The following SKAP1 variants were observed in gnomAD, a reference collection of about 807,000 sequenced individuals.
SKAP1 encodes the protein src kinase-associated phosphoprotein 1.
A neutral mutation model predicts 58.5 loss-of-function variants in SKAP1; 44 were observed. That is an observed-to-expected ratio of 0.75 (90% CI 0.59 to 0.97). SKAP1 has a LOEUF of 0.97. Ranked by LOEUF, SKAP1 falls within the 50% of genes least tolerant of loss-of-function variation. The pLI, the probability that SKAP1 is intolerant of heterozygous loss-of-function variation, is 0.00. For missense variants in SKAP1, 390 were observed against 435.2 expected (o/e 0.90, Z 0.92); for synonymous variants, 127 against 149.7 (o/e 0.85, Z 1.11).
chr17:48,160,646 A>G (rs78428146), intron 11 of SKAP1, among the ~76,000 whole-genome samples: 1,999 of 152,294 alleles, frequency 0.013, 31 homozygotes, highest in Non-Finnish European at 0.018. Context: ...ACAAAGGCAA[A>G]AGACATGCAA....
the SKAP1 span, among the ~76,000 whole-genome samples, chr17:48,442,938 A>T: frequency 6.6e-6 from 1 of 152,174 alleles, no homozygotes; most frequent in East Asian, 1.9e-4. Flanking sequence ...CATCGCCACC[A>T]CCATAACCTC....
intron 4 of SKAP1, among the ~76,000 whole-genome samples, chr17:48,247,122 T>C (rs1392763697): frequency 6.6e-6 from 1 of 152,176 alleles, no homozygotes; most frequent in Non-Finnish European, 1.5e-5. Context: ...CTAATACATA[T>C]ACACAAATTC....
intron 4 of SKAP1, among the ~76,000 whole-genome samples, chr17:48,325,248 CAAAAAA>C (rs200281665): frequency 1.1e-4 from 10 of 91,458 alleles, no homozygotes; most frequent in Non-Finnish European, 1.7e-4. Context: ...GACTCCGTCT[CAAAAAA>C]AAAAAAAAAA....
chr17:48,378,986 A>G (rs948080773), intron 2 of SKAP1, among the ~76,000 whole-genome samples: 2 of 152,212 alleles, frequency 1.3e-5, no homozygotes, highest in Non-Finnish European at 2.9e-5. Context: ...ATTTTATTCC[A>G]AAAAGGTGGG....
At chr17:48,261,955 C>T (rs1234661994) in intron 4 of SKAP1, among the ~76,000 whole-genome samples, 2 of 152,192 alleles carry the variant, frequency 1.3e-5, no homozygotes, top group African/African-American at 4.8e-5. Flanking sequence ...CCAGATAACA[C>T]ATAAAACTCA....
intron 2 of SKAP1, among the ~76,000 whole-genome samples, chr17:48,374,042 T>A (rs1187290836): frequency 1.3e-5 from 2 of 152,128 alleles, no homozygotes; most frequent in Non-Finnish European, 2.9e-5. Flanking sequence ...CTTCTCTTTT[T>A]TGTTGTTTTT....
At chr17:48,273,968 G>A (rs2065665971) in intron 4 of SKAP1, among the ~76,000 whole-genome samples, 1 of 152,160 alleles carries the variant, frequency 6.6e-6, no homozygotes, top group Non-Finnish European at 1.5e-5. Flanking sequence ...CACCCAGGCT[G>A]GAGTGCAGTG....
chr17:48,364,243 C>T (rs2066974064), intron 2 of SKAP1, among the ~76,000 whole-genome samples: 1 of 152,184 alleles, frequency 6.6e-6, no homozygotes, highest in Non-Finnish European at 1.5e-5. Flanking sequence ...CCACCACCAA[C>T]ACCAACACAT....
At chr17:48,435,791 G>C in the SKAP1 span, among the ~76,000 whole-genome samples, 3 of 152,206 alleles carry the variant, frequency 2.0e-5, no homozygotes, top group Non-Finnish European at 4.4e-5. Flanking sequence ...TTATTTAGAA[G>C]CTGGTAGAAA....
intron 1 of SKAP1, among the ~76,000 whole-genome samples, chr17:48,416,558 C>G (rs2067733563): frequency 6.6e-6 from 1 of 152,202 alleles, no homozygotes; most frequent in Admixed American, 6.5e-5. Context: ...CTATGCCTAA[C>G]CACCTTGTCA....
At chr17:48,153,463 ATCC>A (rs1179699391) in intron 11 of SKAP1, among the ~76,000 whole-genome samples, 1 of 152,140 alleles carries the variant, frequency 6.6e-6, no homozygotes, top group East Asian at 1.9e-4. Context: ...TCCCATTCCC[ATCC>A]TCCTAACTCC....
chr17:48,202,798 A>G (rs1302795938), intron 4 of SKAP1, among the ~76,000 whole-genome samples: 2 of 152,234 alleles, frequency 1.3e-5, no homozygotes, highest in African/African-American at 4.8e-5. Context: ...AAAAGAAAAA[A>G]ACTTTAGTAC....
In SKAP1 at chr17:48,368,079, T is replaced by C. The variant is rs1466598271; in HGVS notation, c.153-4265A>G. 4.6e-5 allele frequency among the ~76,000 whole-genome samples: 7 copies of C among 152,152 alleles called. No individual in the cohort carries two copies. The South Asian group carries it at 1.0e-3, about 23-fold the overall frequency. ...AAATATTATTTATGGATTAACCCTA[T>C]AGGGAGTTTGTTTTTTAAAAAAGCC... On this transcript the variant is annotated intron_variant, in intron 2 of 12. Transcript: ENST00000336915.
chr17:48,319,725 C>G lies in SKAP1; in HGVS notation c.280+26180G>C, dbSNP rs142162056. 5.0e-4 allele frequency among the ~76,000 whole-genome samples: 76 copies of G among 152,148 alleles called. 1 individual carries two copies. The highest frequency in any genetic ancestry group is 1.3e-3 in the Admixed American group (20 of 15,290). ...GGTGTAGTGGTATGGGCCTGTAGTCCCTGCTACAGAAGAGGCTGAGGTGGG... is the reference window on the plus strand; with the variant it reads ...GGTGTAGTGGTATGGGCCTGTAGTCGCTGCTACAGAAGAGGCTGAGGTGGG... On this transcript the variant is annotated intron_variant, in intron 4 of 12. Transcript: ENST00000336915.
intron 4 of SKAP1, among the ~76,000 whole-genome samples, chr17:48,341,744 G>A (rs950134043): frequency 6.6e-6 from 1 of 151,972 alleles, no homozygotes; most frequent in Non-Finnish European, 1.5e-5. Flanking sequence ...TTCTCATTTT[G>A]CTGAAGAATA....
chr17:48,342,617 C>T (rs760532506), intron 4 of SKAP1, among the ~76,000 whole-genome samples: 6 of 152,090 alleles, frequency 3.9e-5, no homozygotes, highest in Admixed American at 1.3e-4. Context: ...AATGGCAAGT[C>T]TAGGATACTA....
intron 4 of SKAP1, among the ~76,000 whole-genome samples, chr17:48,254,362 C>A (rs1200606200): frequency 6.6e-6 from 1 of 152,148 alleles, no homozygotes; most frequent in Non-Finnish European, 1.5e-5. Flanking sequence ...TTGCCATTTA[C>A]TGCTACTGAA....
chr17:48,170,726 T>TTTC, intron 9 of SKAP1, 67 bp from the exon 10 acceptor site: 4 of 1,290,866 alleles, frequency 3.1e-6, no homozygotes, highest in Admixed American at 1.9e-5. Flanking sequence ...TTTTTTTTTT[T>TTTC]CGAGATAGAG....
At position 48,363,963 on chromosome 17, in the gene SKAP1, A is replaced by G; in HGVS notation, c.153-149T>C. On this transcript the variant is annotated intron_variant, in intron 2 of 12. Transcript: ENST00000336915. ...CACTACTAATTTTGAGAAAAACAAA[A>G]GGTTATCCCTGAGATTTGAAAGAGT... The G allele has an allele frequency of 1.4e-5, 7 of 510,180 alleles. No homozygotes were observed. In the South Asian group the frequency reaches 3.1e-4, roughly 22 times the overall value. The allele number at this position is 510,180 out of a possible 1,614,324, so 31.6% of individuals were successfully genotyped here.
Sources: allele counts gnomAD v4.1 joint callset (sites outside exome capture counted in the v4.1 genomes callset), GRCh38; gene constraint gnomAD v4.1.1; transcripts MANE v1.5; gene names NCBI Gene and HGNC (gene_info 2026-07-23, HGNC 2026-07-21).